The following DDX24 variants were observed in gnomAD, a reference collection of about 807,000 sequenced individuals.
DDX24 encodes ATP-dependent RNA helicase DDX24.
A neutral mutation model predicts 68.9 loss-of-function variants in DDX24; 24 were observed. The observed-to-expected ratio is 0.35, with a 90% CI of 0.25 to 0.49. DDX24 has a LOEUF of 0.49. Among genes scored for constraint, DDX24 ranks in the 20% least tolerant of loss-of-function variants. DDX24 has a pLI of 0.99. For missense variants in DDX24, 989 were observed against 1,039.0 expected (o/e 0.95, Z 0.66); for synonymous variants, 395 against 385.2 (o/e 1.03, Z -0.30).
chr14:94,074,566 CACA>C (rs1440985455), intron 2 of DDX24, among the ~76,000 whole-genome samples: 5 of 152,098 alleles, frequency 3.3e-5, no homozygotes, highest in African/African-American at 1.2e-4. Flanking sequence ...AGAGAACTTC[CACA>C]ACGTGATAAA....
Position 94,049,732 on chromosome 14 carries a change from T to TA in DDX24, c.*1458dup, listed in dbSNP as rs11418786. 0.51 allele frequency: 75,267 copies of TA among 146,770 alleles called. 20,423 individuals are homozygous for TA. The highest frequency in any genetic ancestry group is 0.73 in the African/African-American group (29,068 of 39,990). The allele number at this position is 146,770 out of a possible 1,614,324, so 9.1% of individuals were successfully genotyped here. ...CAACATAGTGAGACCCCATCTCTAC[T>TA]AAAAAAAAAAAATTCAGCCAGGTGT... On this transcript the variant is annotated 3_prime_UTR_variant, in exon 9 of 9. Coordinates refer to ENST00000621632, the MANE Select transcript of DDX24 (RefSeq NM_020414.4).
Position 94,079,253 on chromosome 14 carries a change from C to T in DDX24, c.490G>A (p.Glu164Lys), listed in dbSNP as rs768064260. The change falls in exon 2 of 9, where the codon GAG becomes AAG. Residue 164 changes from glutamate to lysine, a missense_variant. By Grantham distance (56) the Glu-to-Lys change is moderately conservative. Transcript: ENST00000621632. ...TTGGCAGCAGTGCTCTGAGAAGGCT[C>T]CAACCCTTTTTTCCCTTTATTTTTC... ...KKKNKGKKGL[E>K]PSQSTAAKVP... The T allele has an allele frequency of 2.2e-5, 35 of 1,614,040 alleles. No homozygotes were observed. The highest frequency in any genetic ancestry group is 3.0e-5 in the Non-Finnish European group (35 of 1,180,040).
At chr14:94,064,125 T>A (rs1885650269) in intron 2 of DDX24, among the ~76,000 whole-genome samples, 1 of 152,148 alleles carries the variant, frequency 6.6e-6, no homozygotes, top group Non-Finnish European at 1.5e-5. Context: ...TAATAAAAGA[T>A]ATATACTATA....
At chr14:94,064,473 AC>A (rs1467439770) in intron 2 of DDX24, among the ~76,000 whole-genome samples, 1 of 152,208 alleles carries the variant, frequency 6.6e-6, no homozygotes, top group African/African-American at 2.4e-5. Flanking sequence ...CTCCCCACCA[AC>A]CTCCAGGGAG....
Position 94,062,572 on chromosome 14 carries a change from C to A in DDX24, c.768G>T (p.Leu256Phe). Residue 256 changes from leucine to phenylalanine, a missense_variant, in exon 3 of 9, where the codon TTG becomes TTT. Physicochemically the swap from Leu to Phe is conservative, Grantham distance 22. Around this residue, in one of 3 missense-constraint regions of DDX24, gnomAD observed 691 missense variants for 760.0 expected, o/e 0.91. Coordinates refer to ENST00000621632, the MANE Select transcript of DDX24 (RefSeq NM_020414.4). ...AFAIPMIHAV[L>F]QWQKRNAAPP... ...GGGCAGCATTCCTCTTCTGCCACTG[C>A]AACACCGCATGAATCATTGGGATGG... is the stretch of plus-strand genomic sequence containing the variant. 6.2e-7 allele frequency: 1 copy of A among 1,613,406 alleles called. No homozygotes were observed. Among genetic ancestry groups the A allele is most frequent in the Admixed American group, 1.7e-5 (1 of 59,858 alleles).
At position 94,060,259 on chromosome 14, in the gene DDX24, C is replaced by T. The variant is rs747719723; in HGVS notation, c.1752G>A (p.Met584Ile). 3 of 1,614,074 alleles carry T rather than the reference C, an allele frequency of 1.9e-6. No individual in the cohort carries two copies. The highest frequency in any genetic ancestry group is 1.7e-5 in the Admixed American group (1 of 60,008). ...ACACTAAGCTGCGGCCTGGATACTG[C>T]ATCAGGAAGTAGTACAAGTAGAAGT... ...EKDFYLYYFL[M>I]QYPGRSLVFA... Residue 584 changes from methionine to isoleucine, a missense_variant, in exon 5 of 9, where the codon ATG (methionine) becomes ATA (isoleucine). By Grantham distance (10) the Met-to-Ile change is conservative. Transcript: ENST00000621632.
chr14:94,074,813 C>T (rs1390570303), intron 2 of DDX24, among the ~76,000 whole-genome samples: 1 of 152,148 alleles, frequency 6.6e-6, no homozygotes, highest in Admixed American at 6.5e-5. Context: ...CTTGGTGGAA[C>T]TAAGTTGCAG....
In DDX24 at chr14:94,079,007, G is replaced by C. The variant is rs1414545774; in HGVS notation, c.718+18C>G. ...CTCAATCCAGAAGCAATCCTGCTTT[G>C]GCCAGAGTTGCCCTTACCTGTCTCA... On this transcript the variant is annotated intron_variant, in intron 2 of 8. Transcript: ENST00000621632. 1 of 1,601,530 alleles carries C rather than the reference G, an allele frequency of 6.2e-7. No individual in the cohort carries two copies. Among genetic ancestry groups the C allele is most frequent in the African/African-American group, 1.3e-5 (1 of 74,554 alleles).
At chr14:94,072,483 T>C (rs1327081578) in intron 2 of DDX24, among the ~76,000 whole-genome samples, 1 of 152,210 alleles carries the variant, frequency 6.6e-6, no homozygotes, top group Non-Finnish European at 1.5e-5. Context: ...GATGAAATAC[T>C]ACAAATATGG....
intron 8 of DDX24, 65 bp from the exon 9 acceptor site, chr14:94,051,527 A>G: frequency 6.7e-7 from 1 of 1,496,630 alleles, no homozygotes; most frequent in Non-Finnish European, 8.9e-7. Context: ...GTTTCCCTTG[A>G]TGGGTAACAC....
intron 2 of DDX24, among the ~76,000 whole-genome samples, chr14:94,077,108 A>G (rs138191278): frequency 0.018 from 2,761 of 152,326 alleles, 37 homozygotes; most frequent in Non-Finnish European, 0.031. Flanking sequence ...GTGCTAATAG[A>G]CTGCTTATGT....
chr14:94,054,276 C>T (rs184695500), intron 7 of DDX24, among the ~76,000 whole-genome samples: 56 of 152,272 alleles, frequency 3.7e-4, no homozygotes, highest in African/African-American at 1.2e-3. Context: ...ATCCTTATCT[C>T]CACCCTATTT....
rs1567058796 is a variant in DDX24 at position 94,060,610 on chromosome 14, G to C, written c.1401C>G (p.Cys467Trp). Residue 467 changes from cysteine (C) to tryptophan (W), a missense_variant, in exon 5 of 9, where the codon TGC (cysteine) becomes TGG (tryptophan). By Grantham distance (215) the Cys-to-Trp change is radical. This residue lies in a region of DDX24 where 691 missense variants were observed against 760.0 expected (regional missense o/e 0.91). Coordinates refer to ENST00000621632, the MANE Select transcript of DDX24 (RefSeq NM_020414.4). ...TCCGGTCAGCCTCATCCACTACCAG[G>C]CACCTGCAGATCCAGAGAGACCCAT... ...YHLRNLRQLRCLVVDEADRMV... is the reference protein window; with the variant it reads ...YHLRNLRQLRWLVVDEADRMV... The C allele has an allele frequency of 4.3e-6, 7 of 1,612,442 alleles. No homozygotes were observed. Among genetic ancestry groups the C allele is most frequent in the Non-Finnish European group, 5.1e-6 (6 of 1,178,866 alleles).
At chr14:94,053,633 G>A (rs112549226) in intron 7 of DDX24, among the ~76,000 whole-genome samples, 4,734 of 151,990 alleles carry the variant, frequency 0.031, 189 homozygotes, top group East Asian at 0.095. Context: ...TGACCAACAT[G>A]GAGAAACCCC....
At chr14:94,054,012 T>A (rs1484620116) in intron 7 of DDX24, among the ~76,000 whole-genome samples, 1 of 152,152 alleles carries the variant, frequency 6.6e-6, no homozygotes, top group African/African-American at 2.4e-5. Context: ...AACAGCCACA[T>A]CCTTTGAAAA....
chr14:94,070,666 A>T (rs1414145753), intron 2 of DDX24, among the ~76,000 whole-genome samples: 1 of 152,260 alleles, frequency 6.6e-6, no homozygotes. Context: ...ATCGGCACAA[A>T]GACCAATGGA....
chr14:94,052,970 T>A, intron 8 of DDX24, 28 bp downstream of exon 8: 1 of 1,589,396 alleles, frequency 6.3e-7, no homozygotes, highest in Non-Finnish European at 8.6e-7. Context: ...TTCAACTTCC[T>A]CAATTCCCAT....
chr14:94,058,070 A>G (rs943713859), intron 5 of DDX24, among the ~76,000 whole-genome samples, 173 bp from the exon 6 acceptor site: 4 of 152,188 alleles, frequency 2.6e-5, no homozygotes, highest in African/African-American at 9.7e-5. Context: ...TTCCCAAGCT[A>G]TCTACATGGC....
intron 2 of DDX24, among the ~76,000 whole-genome samples, chr14:94,071,258 T>C (rs1885821455): frequency 6.6e-6 from 1 of 152,130 alleles, no homozygotes; most frequent in South Asian, 2.1e-4. Context: ...GAAAAAATGC[T>C]CAACATCACT....
Sources: gnomAD v4.1 joint callset for allele counts (sites outside exome capture counted in the v4.1 genomes callset) on GRCh38, gnomAD v4.1.1 for gene constraint, gnomAD v4.1.1 regional missense constraint, MANE v1.5 for transcripts, NCBI Gene and HGNC (gene_info 2026-07-23, HGNC 2026-07-21) for gene names.